The following ACTR3 variants were observed in gnomAD, a reference collection of about 807,000 sequenced individuals.
ACTR3 encodes the protein actin-related protein 3.
A neutral mutation model predicts 56.8 loss-of-function variants in ACTR3; 12 were observed. The ratio of observed to expected loss-of-function variants is 0.21; its 90% CI spans 0.14 to 0.34. The LOEUF (loss-of-function observed/expected upper bound fraction) is 0.34, where lower values mean the gene tolerates loss of function less well. ACTR3 is among the 10% of genes least tolerant of loss of function. The pLI, the probability that ACTR3 is intolerant of heterozygous loss-of-function variation, is 1.00. For synonymous variants in ACTR3, 162 were observed against 167.4 expected, an observed-to-expected ratio of 0.97 and a Z score of 0.25; for missense variants, 282 against 512.5, an observed-to-expected ratio of 0.55 and a Z score of 4.34.
intron 6 of ACTR3, 103 bp downstream of exon 6, chr2:113,934,489 C>G (rs1038117548): frequency 1.2e-5 from 9 of 749,614 alleles, no homozygotes; most frequent in Non-Finnish European, 1.9e-5. Context: ...AAATGCTGCA[C>G]TATAATTTGG....
chr2:113,928,843 G>A (rs1679666787), intron 4 of ACTR3, among the ~76,000 whole-genome samples: 1 of 152,176 alleles, frequency 6.6e-6, no homozygotes, highest in Non-Finnish European at 1.5e-5. Flanking sequence ...CTATCAGCGT[G>A]GAAAGTTTTC....
chr2:113,944,021 G>A (rs1467349241), intron 8 of ACTR3, among the ~76,000 whole-genome samples: 1 of 152,144 alleles, frequency 6.6e-6, no homozygotes, highest in South Asian at 2.1e-4. Context: ...AAGGATTATG[G>A]TCATAAAATT....
At chr2:113,957,251 T>C (rs1429716997) in intron 11 of ACTR3, 109 bp from the exon 12 acceptor site, 2 of 737,330 alleles carry the variant, frequency 2.7e-6, no homozygotes, top group East Asian at 2.7e-5. Flanking sequence ...ATAATAAACA[T>C]TTTAGACTTA....
At chr2:113,940,223 T>C in intron 7 of ACTR3, 121 bp downstream of exon 7, 1 of 790,832 alleles carries the variant, frequency 1.3e-6, no homozygotes, top group Non-Finnish European at 1.9e-6. Context: ...AGTTATAAAT[T>C]ATTACCCTTA....
rs1574389492 is a variant in ACTR3 at position 113,958,344 on chromosome 2, A to G, written c.*889A>G. On this transcript the variant is annotated 3_prime_UTR_variant, in exon 12 of 12. Coordinates refer to ENST00000263238, the MANE Select transcript of ACTR3 (RefSeq NM_005721.5). ...TTCTGCAATAGTTCTTTAAAATCAC[A>G]ACAGTTAGCAAGCTGACTTTTGTAA... 2.0e-5 allele frequency: 3 copies of G among 152,704 alleles called. 1 individual carries two copies. The South Asian group carries it at 6.2e-4, about 32-fold the overall frequency. The allele number at this position is 152,704 out of a possible 1,614,324, so 9.5% of individuals were successfully genotyped here. A position where few individuals can be genotyped will look rare whatever the true frequency, so the allele number is the denominator to read the frequency against.
In ACTR3 at chr2:113,955,640, A is replaced by T. The variant is rs1680196310; in HGVS notation, c.1095A>T (p.Val365=). The T allele has an allele frequency of 6.2e-7, 1 of 1,612,720 alleles. No individual in the cohort carries two copies. Among genetic ancestry groups the T allele is most frequent in the Non-Finnish European group, 8.5e-7 (1 of 1,179,002 alleles). The change falls in exon 11 of 12, where the codon GTA becomes GTT. Residue 365 remains valine, a synonymous_variant. Transcript: ENST00000263238. The stretch of plus-strand genomic sequence containing the variant: ...TTCTTTAGCCAAAACCTATTGATGT[A>T]CAAGTCATTACACACCACATGCAGC... ...GGRLKPKPID[V]QVITHHMQRY...
chr2:113,944,727 A>T (rs538252178), intron 8 of ACTR3, among the ~76,000 whole-genome samples: 1 of 152,052 alleles, frequency 6.6e-6, no homozygotes, highest in South Asian at 2.1e-4. Flanking sequence ...ACGCCACTGC[A>T]CTCCAGCCTG....
chr2:113,943,770 G>A (rs111726513), intron 8 of ACTR3, among the ~76,000 whole-genome samples: 1,743 of 152,328 alleles, frequency 0.011, 21 homozygotes, highest in Non-Finnish European at 0.018. Context: ...AAGGGGAGGA[G>A]TAGGTGAAAT....
intron 6 of ACTR3, among the ~76,000 whole-genome samples, chr2:113,939,744 CATAGTT>C (rs1679891404): frequency 6.6e-6 from 1 of 152,084 alleles, no homozygotes; most frequent in Admixed American, 6.6e-5. Flanking sequence ...TTATTTTAGT[CATAGTT>C]ATAAACTGTC....
Position 113,957,370 on chromosome 2 carries a change from A to G in ACTR3, c.1172A>G (p.Tyr391Cys). 2 of 1,613,076 alleles carry G rather than the reference A, an allele frequency of 1.2e-6. No homozygotes were observed. The highest frequency in any genetic ancestry group is 1.7e-6 in the Non-Finnish European group (2 of 1,179,354). The change falls in exon 12 of 12, where the codon TAC (tyrosine) becomes TGC (cysteine). Residue 391 changes from tyrosine (Y) to cysteine (C), a missense_variant. Physicochemically the swap from Tyr to Cys is radical, Grantham distance 194. Transcript: ENST00000263238. The part of the protein sequence containing the change: ...GSMLASTPEF[Y>C]QVCHTKKDYE... ...ATTTTTTGTTTTCAGCCTGAGTTCT[A>G]CCAAGTATGCCACACCAAAAAGGAT... is the stretch of plus-strand genomic sequence containing the variant.
chr2:113,945,313 A>G (rs1260245845), intron 8 of ACTR3, among the ~76,000 whole-genome samples: 2 of 152,186 alleles, frequency 1.3e-5, no homozygotes, highest in African/African-American at 4.8e-5. Context: ...AGCATCCACT[A>G]GCTTTTAGTT....
intron 1 of ACTR3, among the ~76,000 whole-genome samples, chr2:113,895,030 C>T (rs942776612): frequency 1.3e-5 from 2 of 151,556 alleles, no homozygotes; most frequent in Non-Finnish European, 1.5e-5. Flanking sequence ...TAGAGAAAAC[C>T]CTCTGTGTAA....
intron 4 of ACTR3, among the ~76,000 whole-genome samples, chr2:113,930,944 G>T (rs761997891): frequency 6.6e-6 from 1 of 151,960 alleles, no homozygotes; most frequent in African/African-American, 2.4e-5. Context: ...TGTTTTTTCT[G>T]GAGGTTTGTC....
rs1208111246 is a variant in ACTR3, at chr2:113,961,700, C to A, written c.*4245C>A. The stretch of plus-strand genomic sequence containing the variant: ...CATAAAGATGAATAAATATTCTGTC[C>A]TTGGCTTAGTCTAATAGTAAAGGCA... On this transcript the variant is annotated 3_prime_UTR_variant, in exon 12 of 12. Coordinates refer to ENST00000263238, the MANE Select transcript of ACTR3 (RefSeq NM_005721.5). 6.6e-6 allele frequency: 1 copy of A among 151,880 alleles called. No individual in the cohort carries two copies. Among genetic ancestry groups the A allele is most frequent in the Non-Finnish European group, 1.5e-5 (1 of 67,854 alleles). The allele number at this position is 151,880 out of a possible 1,614,324, so 9.4% of individuals were successfully genotyped here.
chr2:113,944,994 C>T, intron 8 of ACTR3, among the ~76,000 whole-genome samples: 1 of 152,062 alleles, frequency 6.6e-6, no homozygotes, highest in Non-Finnish European at 1.5e-5. Flanking sequence ...AGTATTACAG[C>T]ATAGAGGAGA....
chr2:113,937,677 T>A (rs1216211111), intron 6 of ACTR3, among the ~76,000 whole-genome samples: 1 of 152,240 alleles, frequency 6.6e-6, no homozygotes, highest in Non-Finnish European at 1.5e-5. Context: ...TCTTCTGGCT[T>A]ACCTTGTTTC....
chr2:113,925,335 A>G (rs545415810), intron 3 of ACTR3, among the ~76,000 whole-genome samples: 17 of 150,838 alleles, frequency 1.1e-4, no homozygotes, highest in Admixed American at 1.0e-3. Context: ...AGCTGGGATT[A>G]TAGGCATGCA....
At chr2:113,925,828 C>A (rs1316163184) in intron 3 of ACTR3, among the ~76,000 whole-genome samples, 2 of 152,104 alleles carry the variant, frequency 1.3e-5, no homozygotes, top group African/African-American at 4.8e-5. Flanking sequence ...ATTGATACTG[C>A]AAGGTATTTA....
intron 1 of ACTR3, among the ~76,000 whole-genome samples, chr2:113,906,242 A>T (rs1350994452): frequency 6.6e-6 from 1 of 152,086 alleles, no homozygotes; most frequent in Non-Finnish European, 1.5e-5. Context: ...ATTATTAGTA[A>T]GGTTGAACAT....
Sources: allele counts gnomAD v4.1 joint callset (sites outside exome capture counted in the v4.1 genomes callset), GRCh38; gene constraint gnomAD v4.1.1; transcripts MANE v1.5; gene names NCBI Gene and HGNC (gene_info 2026-07-23, HGNC 2026-07-21).